Variants in CPNE4 observed in about 807,000 individuals in gnomAD.
The protein encoded by CPNE4 is copine 4, also known as copine-4.
Under a neutral mutation model 67.9 loss-of-function variants are expected in CPNE4, and 25 were observed. That is an observed-to-expected ratio of 0.37 (90% CI 0.27 to 0.51). The LOEUF (loss-of-function observed/expected upper bound fraction) is 0.51. Ranked by LOEUF, CPNE4 falls within the 20% of genes least tolerant of loss-of-function variation. CPNE4 has a pLI of 0.93. For missense variants in CPNE4, 464 were observed against 690.8 expected (o/e 0.67, Z 3.68); for synonymous variants, 242 against 244.9 (o/e 0.99, Z 0.11).
chr3:131,648,987 C>G (rs1234721363), intron 7 of CPNE4, among the ~76,000 whole-genome samples: 1 of 152,266 alleles, frequency 6.6e-6, no homozygotes, highest in East Asian at 1.9e-4. Flanking sequence ...GCATGGAAAC[C>G]AAGCATTTTC....
At chr3:131,809,066 T>C (rs908919471) in intron 2 of CPNE4, among the ~76,000 whole-genome samples, 1 of 152,160 alleles carries the variant, frequency 6.6e-6, no homozygotes, top group African/African-American at 2.4e-5. Flanking sequence ...TGTGAATATG[T>C]TAGTTACATA....
At chr3:131,640,140 T>C (rs769195636) in intron 7 of CPNE4, among the ~76,000 whole-genome samples, 2 of 152,164 alleles carry the variant, frequency 1.3e-5, no homozygotes, top group Non-Finnish European at 2.9e-5. Context: ...TTCAACAAAG[T>C]ACTGGAAGTC....
chr3:131,665,744 TAA>T (rs2080244714), intron 7 of CPNE4, among the ~76,000 whole-genome samples: 2 of 151,924 alleles, frequency 1.3e-5, no homozygotes, highest in African/African-American at 4.8e-5. Flanking sequence ...CTATAAACAA[TAA>T]GAGAACAAAT....
At chr3:131,864,448 AT>A (rs970500438) in intron 2 of CPNE4, among the ~76,000 whole-genome samples, 9 of 150,274 alleles carry the variant, frequency 6.0e-5, no homozygotes, top group African/African-American at 2.2e-4. Flanking sequence ...ATTCCTAGTT[AT>A]TTTTTTTTCT....
At chr3:131,950,565 C>T (rs1408540395) in intron 1 of CPNE4, among the ~76,000 whole-genome samples, 2 of 152,140 alleles carry the variant, frequency 1.3e-5, no homozygotes, top group Admixed American at 6.5e-5. Context: ...CACAGCTCTG[C>T]GTATGTCTAC....
At chr3:131,538,861 A>C (rs1582748244) in intron 15 of CPNE4, 1 of 152,308 alleles carries the variant, frequency 6.6e-6, no homozygotes, top group Non-Finnish European at 1.5e-5. Flanking sequence ...TTCTGCCATG[A>C]GATGACCCTT....
chr3:131,818,436 A>G (rs543047187), intron 2 of CPNE4, among the ~76,000 whole-genome samples: 68 of 152,302 alleles, frequency 4.5e-4, no homozygotes, highest in Non-Finnish European at 7.4e-4. Flanking sequence ...TTCAAAAGGT[A>G]TAGGATAAAG....
intron 6 of CPNE4, among the ~76,000 whole-genome samples, chr3:131,684,438 T>A (rs1449573435): frequency 6.6e-6 from 1 of 152,222 alleles, no homozygotes; most frequent in East Asian, 1.9e-4. Flanking sequence ...TATTTATATT[T>A]AACAGCATTT....
chr3:131,983,435 C>T (rs554302313), intron 1 of CPNE4, among the ~76,000 whole-genome samples: 4 of 152,156 alleles, frequency 2.6e-5, no homozygotes, highest in Non-Finnish European at 5.9e-5. Flanking sequence ...CACAAAAAGA[C>T]TTACTGGATA....
chr3:131,672,490 T>C (rs2080444296), intron 6 of CPNE4, among the ~76,000 whole-genome samples: 1 of 152,116 alleles, frequency 6.6e-6, no homozygotes, highest in South Asian at 2.1e-4. Context: ...TTGCCAGTAT[T>C]TATTATGGCC....
In CPNE4 at chr3:132,006,662, T is replaced by TTTG. The variant is rs386397940; in HGVS notation, c.-2+27902_-2+27904dup. 7.0e-3 allele frequency among the ~76,000 whole-genome samples: 1,058 copies of TTTG among 151,940 alleles called. 16 individuals carry two copies. The highest frequency in any genetic ancestry group is 0.022 in the African/African-American group (909 of 41,430). ...ACATAAACCTTTCTTTCCATTTTTT[T>TTTG]TTGTTGTTGTTCTCTGGGCTGAGCT... On this transcript the variant is annotated intron_variant, in intron 1 of 15. Transcript: ENST00000429747.
chr3:131,535,328 G>A lies in CPNE4; in HGVS notation c.1541C>T (p.Ala514Val). The change falls in exon 16 of 16, where the codon GCA (alanine) becomes GTA (valine). Residue 514 changes from alanine (A) to valine (V), a missense_variant and splice_region_variant. Ala to Val is a moderately conservative substitution (Grantham distance 64). Around this residue, in one of 6 missense-constraint regions of CPNE4, gnomAD observed 201 missense variants for 357.7 expected, o/e 0.56. Transcript: ENST00000429747. ...QFVPFRNFKH[A>V]SPAALAKSVL... ...GCTCTTTGCCAGGGCAGCTGGAGAT[G>A]CCTGCAGGGAAGAAGAAATCATCAT... 1 of 1,612,450 alleles carries A rather than the reference G, an allele frequency of 6.2e-7. No homozygotes were observed. Among genetic ancestry groups the A allele is most frequent in the Non-Finnish European group, 8.5e-7 (1 of 1,179,544 alleles).
intron 2 of CPNE4, among the ~76,000 whole-genome samples, chr3:131,774,016 C>T (rs991464094): frequency 8.6e-5 from 13 of 152,034 alleles, no homozygotes; most frequent in Non-Finnish European, 1.5e-4. Flanking sequence ...TATCTTTGTG[C>T]CTAATGTTTT....
rs3070292 is a variant in CPNE4 at position 131,799,919 on chromosome 3, TTGTGTGTGTGTGTG to T, written c.181-76308_181-76295del. 3.0e-3 allele frequency among the ~76,000 whole-genome samples: 434 copies of T among 145,692 alleles called. 2 individuals carry two copies. The highest frequency in any genetic ancestry group is 9.6e-3 in the African/African-American group (378 of 39,282). ...TTGTTGGTGCGTGTGTGTGTGTGTG[TTGTGTGTGTGTGTG>T]TGTGTGTGTGTGTGTGTGTGTGTAT... On this transcript the variant is annotated intron_variant, in intron 2 of 15. Coordinates refer to ENST00000429747, the MANE Select transcript of CPNE4 (RefSeq NM_130808.3).
intron 1 of CPNE4, among the ~76,000 whole-genome samples, chr3:131,963,933 A>C (rs146865965): frequency 6.6e-6 from 1 of 152,096 alleles, no homozygotes; most frequent in Admixed American, 6.5e-5. Context: ...TTACTAGGAG[A>C]TATCTCCTAG....
chr3:131,752,839 C>G (rs553582077), intron 2 of CPNE4, among the ~76,000 whole-genome samples: 2 of 151,982 alleles, frequency 1.3e-5, no homozygotes, highest in African/African-American at 4.8e-5. Context: ...AACTAGTATA[C>G]GAATTTAGTG....
intron 2 of CPNE4, among the ~76,000 whole-genome samples, chr3:131,794,670 A>G (rs891771752): frequency 3.3e-5 from 5 of 152,202 alleles, no homozygotes; most frequent in Admixed American, 6.5e-5. Flanking sequence ...CACTTTCAAT[A>G]TCTTAATAGG....
At chr3:131,700,568 G>A (rs1279413411) in intron 3 of CPNE4, among the ~76,000 whole-genome samples, 1 of 152,190 alleles carries the variant, frequency 6.6e-6, no homozygotes, top group East Asian at 1.9e-4. Context: ...CATACTGAAA[G>A]CTATTCCTAG....
At chr3:131,758,635 G>A (rs1289799494) in intron 2 of CPNE4, among the ~76,000 whole-genome samples, 1 of 152,064 alleles carries the variant, frequency 6.6e-6, no homozygotes, top group Non-Finnish European at 1.5e-5. Flanking sequence ...TGAAAAGTGA[G>A]GACATGAGAT....
Sources: gnomAD v4.1 joint callset for allele counts (sites outside exome capture counted in the v4.1 genomes callset) on GRCh38, gnomAD v4.1.1 for gene constraint, gnomAD v4.1.1 regional missense constraint, MANE v1.5 for transcripts, NCBI Gene and HGNC (gene_info 2026-07-23, HGNC 2026-07-21) for gene names.